PALLD: variants seen among roughly 807,000 people sequenced by gnomAD.
PALLD encodes palladin, cytoskeletal associated protein.
Under a neutral mutation model 123.5 loss-of-function variants are expected in PALLD, and 61 were observed. The ratio of observed to expected loss-of-function variants is 0.49; its 90% CI spans 0.40 to 0.61. PALLD has a LOEUF of 0.61. Ranked by LOEUF, PALLD falls within the 20% of genes least tolerant of loss-of-function variation. The pLI, the probability that PALLD is intolerant of heterozygous loss-of-function variation, is 0.00. For synonymous variants in PALLD, 465 were observed against 496.4 expected (o/e 0.94, Z 0.84); for missense variants, 1,273 against 1,377.0 (o/e 0.92, Z 1.20).
intron 15 of PALLD, among the ~76,000 whole-genome samples, chr4:168,907,135 T>G (rs1204485958): frequency 6.6e-6 from 1 of 151,792 alleles, no homozygotes; most frequent in Non-Finnish European, 1.5e-5. Flanking sequence ...ATAATAATAA[T>G]AATAATACAG....
At chr4:168,583,136 C>A (rs192452542) in intron 2 of PALLD, among the ~76,000 whole-genome samples, 6 of 151,960 alleles carry the variant, frequency 3.9e-5, no homozygotes, top group East Asian at 3.9e-4. Context: ...GAGAAAAGAC[C>A]AAGTAGAATA....
chr4:168,858,748 C>T (rs149352149), intron 10 of PALLD, among the ~76,000 whole-genome samples: 81 of 151,730 alleles, frequency 5.3e-4, no homozygotes, highest in Non-Finnish European at 4.6e-4. Context: ...TGCCACCGCA[C>T]TCCAACCAGG....
At chr4:168,659,204 C>T (rs186073089) in intron 2 of PALLD, among the ~76,000 whole-genome samples, 3 of 152,368 alleles carry the variant, frequency 2.0e-5, no homozygotes, top group African/African-American at 7.2e-5. Context: ...GCATCACTTT[C>T]AAATTTCGTT....
At chr4:168,922,937 A>G (rs1348347201) in intron 18 of PALLD, among the ~76,000 whole-genome samples, 3 of 152,152 alleles carry the variant, frequency 2.0e-5, no homozygotes, top group Non-Finnish European at 4.4e-5. Flanking sequence ...TGTCGATTTT[A>G]CTAGTGTGAC....
At chr4:168,559,467 G>A (rs191031969) in intron 2 of PALLD, among the ~76,000 whole-genome samples, 12 of 152,084 alleles carry the variant, frequency 7.9e-5, no homozygotes, top group Non-Finnish European at 1.5e-4. Context: ...CACTAGAAAT[G>A]GAATTATATC....
At chr4:168,499,314 GGGAGACAT>G (rs1209610697) in intron 1 of PALLD, among the ~76,000 whole-genome samples, 63 of 89,560 alleles carry the variant, frequency 7.0e-4, no homozygotes, top group East Asian at 1.1e-3. Flanking sequence ...GAGGAAGGGA[GGGAGACAT>G]GGAAGAAGGG....
intron 2 of PALLD, among the ~76,000 whole-genome samples, chr4:168,544,839 C>A (rs2319901): frequency 0.53 from 80,548 of 152,008 alleles, 22,243 homozygotes; most frequent in East Asian, 0.81. Context: ...TCCCAGCTAA[C>A]CTTGTTTCTG....
At chr4:168,625,425 CAG>C (rs1775140790) in intron 2 of PALLD, among the ~76,000 whole-genome samples, 1 of 123,580 alleles carries the variant, frequency 8.1e-6, no homozygotes, top group African/African-American at 2.7e-5. Flanking sequence ...ACAAAATCAA[CAG>C]AGTGAAAGGT....
intron 2 of PALLD, among the ~76,000 whole-genome samples, chr4:168,612,645 C>T (rs1033974663): frequency 8.5e-5 from 13 of 152,160 alleles, no homozygotes; most frequent in Non-Finnish European, 1.8e-4. Flanking sequence ...CTTGCAACTG[C>T]CTCAAAGTCT....
intron 10 of PALLD, chr4:168,829,244 C>T (rs1743852838): frequency 1.3e-5 from 2 of 152,228 alleles, no homozygotes; most frequent in East Asian, 3.9e-4. Context: ...GAAAACTGGT[C>T]CACGTGTACG....
chr4:168,502,069 C>T (rs1761465843), intron 1 of PALLD, among the ~76,000 whole-genome samples: 1 of 152,212 alleles, frequency 6.6e-6, no homozygotes, highest in South Asian at 2.1e-4. Flanking sequence ...GAGAATCTAT[C>T]TTCTTTCCAG....
chr4:168,906,110 T>A (rs1404103729), intron 15 of PALLD, among the ~76,000 whole-genome samples: 1 of 152,148 alleles, frequency 6.6e-6, no homozygotes, highest in Non-Finnish European at 1.5e-5. Context: ...AATCCAAAAT[T>A]TTTCTTCGTG....
At chr4:168,894,828 C>A in intron 12 of PALLD, 151 bp downstream of exon 12, 1 of 1,318,922 alleles carries the variant, frequency 7.6e-7, no homozygotes. Flanking sequence ...AACCTCACAG[C>A]TAATTTTTAT....
At chr4:168,746,043 C>G (rs1018128384) in intron 10 of PALLD, among the ~76,000 whole-genome samples, 3 of 152,110 alleles carry the variant, frequency 2.0e-5, no homozygotes, top group African/African-American at 7.2e-5. Flanking sequence ...AAAATAAAAT[C>G]AGATTTGAGC....
chr4:168,564,404 C>A (rs1002568982), intron 2 of PALLD, among the ~76,000 whole-genome samples: 1 of 152,154 alleles, frequency 6.6e-6, no homozygotes, highest in African/African-American at 2.4e-5. Context: ...ACATTTATTT[C>A]TTTGTCTACT....
chr4:168,754,286 G>C (rs1444247389), intron 10 of PALLD, among the ~76,000 whole-genome samples: 2 of 152,122 alleles, frequency 1.3e-5, no homozygotes, highest in Non-Finnish European at 2.9e-5. Context: ...TGTGTTCAAA[G>C]TTTTAGTCAT....
chr4:168,722,519 A>C (rs1696547219), intron 10 of PALLD, among the ~76,000 whole-genome samples: 1 of 152,234 alleles, frequency 6.6e-6, no homozygotes, highest in South Asian at 2.1e-4. Flanking sequence ...AAAGTATGCG[A>C]TGAAGGCATC....
At chr4:168,670,729 G>T (rs1780135668) in intron 3 of PALLD, among the ~76,000 whole-genome samples, 1 of 121,710 alleles carries the variant, frequency 8.2e-6, no homozygotes, top group African/African-American at 3.3e-5. Context: ...GACAGAGCGA[G>T]ACTCCGTCTC....
At position 168,711,746 on chromosome 4, in the gene PALLD, G is replaced by T; in HGVS notation, c.1787G>T (p.Arg596Met). The change falls in exon 10 of 22, where the codon AGG becomes ATG. Residue 596 changes from arginine to methionine, a missense_variant. Physicochemically the swap from Arg to Met is moderately conservative, Grantham distance 91. This residue lies in a region of PALLD where 944 missense variants were observed against 954.5 expected (regional missense o/e 0.99). Transcript: ENST00000505667. ...AACAACCCTGAGTTAGGCCTGAGCA[G>T]GGCAGCCCTTCAAATGCAATTCAAT... The part of the protein sequence containing the change: ...QVNNPELGLS[R>M]AALQMQFNAA... 1.9e-6 allele frequency: 3 copies of T among 1,614,196 alleles called. No homozygotes were observed. Among genetic ancestry groups the T allele is most frequent in the Non-Finnish European group, 2.5e-6 (3 of 1,180,038 alleles).
Sources: allele counts gnomAD v4.1 joint callset (sites outside exome capture counted in the v4.1 genomes callset), GRCh38; gene constraint gnomAD v4.1.1; regional missense constraint gnomAD v4.1.1; transcripts MANE v1.5; gene names NCBI Gene and HGNC (gene_info 2026-07-23, HGNC 2026-07-21).